The following AGAP1 variants were observed in gnomAD, a reference collection of about 807,000 sequenced individuals.
AGAP1 encodes the protein ArfGAP with GTPase domain, ankyrin repeat and PH domain 1.
Under a neutral mutation model 105.3 loss-of-function variants are expected in AGAP1, and 29 were observed. That is an observed-to-expected ratio of 0.28 (90% CI 0.21 to 0.38). The LOEUF is 0.38. Ranked by LOEUF, AGAP1 falls within the 10% of genes least tolerant of loss-of-function variation. AGAP1 has a pLI of 1.00. For synonymous variants in AGAP1, 509 were observed against 485.9 expected, an observed-to-expected ratio of 1.05 and a Z score of -0.63; for missense variants, 998 against 1,165.1, an observed-to-expected ratio of 0.86 and a Z score of 2.09.
chr2:236,060,954 C>G (rs111243423), intron 16 of AGAP1, among the ~76,000 whole-genome samples: 1 of 151,472 alleles, frequency 6.6e-6, no homozygotes, highest in African/African-American at 2.4e-5. Context: ...TCCCAGCTAC[C>G]TGGGAGGCTG....
At position 235,807,265 on chromosome 2, in the gene AGAP1, AGAG is replaced by A. The variant is rs1957885175; in HGVS notation, c.985_987del (p.Glu329del). 6.2e-7 allele frequency: 1 copy of A among 1,609,532 alleles called. No homozygotes were observed. The highest frequency in any genetic ancestry group is 1.1e-5 in the South Asian group (1 of 90,540). On this transcript the variant is annotated inframe_deletion, in exon 9 of 18. Coordinates refer to ENST00000304032, the MANE Select transcript of AGAP1 (RefSeq NM_001037131.3). ...CTCGGAAAGGGAGCGACCCAGACAAAGAGAAGAAAGGCCTGGAGAGTCGTGCGG... is the reference window on the plus strand; with the variant it reads ...CTCGGAAAGGGAGCGACCCAGACAAAAAGAAAGGCCTGGAGAGTCGTGCGG...
At chr2:235,827,476 A>T (rs1959135487) in intron 9 of AGAP1, among the ~76,000 whole-genome samples, 1 of 152,138 alleles carries the variant, frequency 6.6e-6, no homozygotes, top group African/African-American at 2.4e-5. Context: ...TATTTCTACT[A>T]ATACTTGTAC....
At chr2:236,067,434 A>G (rs922077083) in intron 16 of AGAP1, among the ~76,000 whole-genome samples, 1 of 152,314 alleles carries the variant, frequency 6.6e-6, no homozygotes, top group East Asian at 1.9e-4. Context: ...GTTCAGAAAC[A>G]TCGTTAAAAA....
intron 3 of AGAP1, among the ~76,000 whole-genome samples, chr2:235,738,329 C>T (rs931618754): frequency 2.0e-4 from 31 of 152,070 alleles, no homozygotes; most frequent in African/African-American, 7.5e-4. Context: ...CATGCATTAA[C>T]TCATTAAGGA....
rs1307709454 is a variant in AGAP1, at chr2:236,051,568, T to G, written c.2114+2287T>G. Among the ~76,000 whole-genome samples, 4 of 150,208 alleles carry G rather than the reference T, an allele frequency of 2.7e-5. No homozygotes were observed. Among genetic ancestry groups the G allele is most frequent in the Admixed American group, 6.6e-5 (1 of 15,102 alleles). ...AGGCTCGGCCGGGCCTGTGGGGAGG[T>G]GTGCCTGTCGGCGAGTACAGCACCG... On this transcript the variant is annotated intron_variant, in intron 16 of 17. Transcript: ENST00000304032. This position sits in a 1 kb window ranked among gnomAD's most constrained non-coding sequence, Gnocchi z 5.9.
chr2:235,782,391 A>G (rs1042167095), intron 6 of AGAP1, among the ~76,000 whole-genome samples: 28 of 152,264 alleles, frequency 1.8e-4, no homozygotes, highest in African/African-American at 5.5e-4. Context: ...TGACAATGTC[A>G]CCATTTGCCA....
In AGAP1 at chr2:235,612,386, C is replaced by G. The variant is rs1351196240; in HGVS notation, c.164-96793C>G. 6.6e-6 allele frequency among the ~76,000 whole-genome samples: 1 copy of G among 152,152 alleles called. No individual in the cohort carries two copies. Among genetic ancestry groups the G allele is most frequent in the Non-Finnish European group, 1.5e-5 (1 of 68,034 alleles). On this transcript the variant is annotated intron_variant, in intron 1 of 17. Coordinates refer to ENST00000304032, the MANE Select transcript of AGAP1 (RefSeq NM_001037131.3). This position sits in a 1 kb window ranked among gnomAD's most constrained non-coding sequence, Gnocchi z 4.3. Reference sequence around the variant, plus strand: ...TGTGTGCATAATCAGAGGGCAAGGACAGCAGTAAATAATTTATGTCAGCTG... The same window carrying G: ...TGTGTGCATAATCAGAGGGCAAGGAGAGCAGTAAATAATTTATGTCAGCTG...
intron 1 of AGAP1, among the ~76,000 whole-genome samples, chr2:235,516,103 G>C (rs551902377): frequency 6.8e-6 from 1 of 146,512 alleles, no homozygotes. Flanking sequence ...TGGCCCGCCA[G>C]TTCCCATGGA....
chr2:235,584,969 C>G lies in AGAP1; in HGVS notation c.163+90120C>G, dbSNP rs1010947907. Among the ~76,000 whole-genome samples, 3 of 150,734 alleles carry G rather than the reference C, an allele frequency of 2.0e-5. No individual in the cohort carries two copies. The South Asian group carries it at 6.3e-4, about 32-fold the overall frequency. ...AAAAACTCCTTTTAGGCGTCACCCC[C>G]CTACCCACTTAGGTACAGTGCTGCT... On this transcript the variant is annotated intron_variant, in intron 1 of 17. Coordinates refer to ENST00000304032, the MANE Select transcript of AGAP1 (RefSeq NM_001037131.3).
chr2:235,960,981 C>T lies in AGAP1; in HGVS notation c.1484-7481C>T, dbSNP rs1174794200. Among the ~76,000 whole-genome samples the T allele has an allele frequency of 2.0e-5, 3 of 152,198 alleles. No homozygotes were observed. The highest frequency in any genetic ancestry group is 7.2e-5 in the African/African-American group (3 of 41,442). Reference sequence around the variant, plus strand: ...CCAGAAAGTGGTCCGTTCCATCCACCCGCGCAAGTGTCTGTCACACAGAGG... The same window carrying T: ...CCAGAAAGTGGTCCGTTCCATCCACTCGCGCAAGTGTCTGTCACACAGAGG... On this transcript the variant is annotated intron_variant, in intron 12 of 17. Transcript: ENST00000304032. The surrounding 1 kb of genome is among the most constrained non-coding windows in gnomAD (Gnocchi z 4.9).
chr2:235,804,927 A>G (rs1957763414), intron 8 of AGAP1, among the ~76,000 whole-genome samples: 1 of 152,166 alleles, frequency 6.6e-6, no homozygotes, highest in Non-Finnish European at 1.5e-5. Flanking sequence ...TTCCAGCATC[A>G]CGGAAGGATG....
chr2:235,525,838 T>C, intron 1 of AGAP1, among the ~76,000 whole-genome samples: 1 of 93,440 alleles, frequency 1.1e-5, no homozygotes, highest in African/African-American at 4.6e-5. Context: ...AGGACTGATT[T>C]ATAAAGTAGA....
rs1366071311 is a variant in AGAP1, at chr2:235,962,388, C to G, written c.1484-6074C>G. Among the ~76,000 whole-genome samples the G allele has an allele frequency of 1.3e-5, 2 of 152,196 alleles. No individual in the cohort carries two copies. The highest frequency in any genetic ancestry group is 1.9e-4 in the East Asian group (1 of 5,154). On this transcript the variant is annotated intron_variant, in intron 12 of 17. Transcript: ENST00000304032. This position sits in a 1 kb window ranked among gnomAD's most constrained non-coding sequence, Gnocchi z 5.3. ...GAGATGGTGGGAGAAGGGAAACTTA[C>G]AAGGGTGAGTTTCAAGTCGTGTGCG...
intron 6 of AGAP1, among the ~76,000 whole-genome samples, chr2:235,770,133 C>CATTTTTTTTTT (rs1955312879): frequency 7.3e-6 from 1 of 136,656 alleles, no homozygotes; most frequent in Admixed American, 7.9e-5. Context: ...TTCTTTGTTT[C>CATTTTTTTTTT]TTTTTTTTTT....
At chr2:235,749,580 C>T (rs1160140494) in intron 5 of AGAP1, among the ~76,000 whole-genome samples, 3 of 151,960 alleles carry the variant, frequency 2.0e-5, no homozygotes, top group South Asian at 2.1e-4. Context: ...TAGGCCTCAC[C>T]CCTACATCTC....
At chr2:235,853,864 G>A (rs1009814365) in intron 9 of AGAP1, among the ~76,000 whole-genome samples, 2 of 151,944 alleles carry the variant, frequency 1.3e-5, no homozygotes, top group Admixed American at 6.6e-5. Context: ...GAATTAACTT[G>A]GGAAGTACTG....
chr2:235,985,381 T>C (rs1295227885), intron 13 of AGAP1, among the ~76,000 whole-genome samples: 1 of 152,228 alleles, frequency 6.6e-6, no homozygotes, highest in Non-Finnish European at 1.5e-5. Context: ...TGCAAAATTT[T>C]TCTCCCATTC....
intron 6 of AGAP1, among the ~76,000 whole-genome samples, chr2:235,784,016 A>G (rs767898211): frequency 1.3e-4 from 20 of 152,208 alleles, no homozygotes; most frequent in Non-Finnish European, 2.8e-4. Context: ...ATAGATATAT[A>G]ATAAAGCAAG....
At chr2:235,850,677 T>C (rs145227829) in intron 9 of AGAP1, among the ~76,000 whole-genome samples, 5 of 152,376 alleles carry the variant, frequency 3.3e-5, no homozygotes, top group South Asian at 4.1e-4. Flanking sequence ...CTCACAAAAA[T>C]AGCTGCTTTT....
Sources: gnomAD v4.1 joint callset for allele counts (sites outside exome capture counted in the v4.1 genomes callset) on GRCh38, gnomAD v4.1.1 for gene constraint, Gnocchi (gnomAD v3.1) non-coding constraint, MANE v1.5 for transcripts, NCBI Gene and HGNC (gene_info 2026-07-23, HGNC 2026-07-21) for gene names.